MEN1: variants seen among roughly 807,000 people sequenced by gnomAD.
MEN1 encodes the protein menin.
A neutral mutation model predicts 58.0 loss-of-function variants in MEN1; 6 were observed. That is an observed-to-expected ratio of 0.10 (90% CI 0.06 to 0.20). The LOEUF is 0.20. MEN1 is among the 10% of genes least tolerant of loss of function. The pLI is 1.00. For missense variants in MEN1, 492 were observed against 818.5 expected, an observed-to-expected ratio of 0.60 and a Z score of 4.87; for synonymous variants, 346 against 350.7, an observed-to-expected ratio of 0.99 and a Z score of 0.15.
intron 6 of MEN1, 71 bp from the exon 7 acceptor site, chr11:64,806,439 C>T (rs1346676204): frequency 2.5e-6 from 4 of 1,577,116 alleles, no homozygotes; most frequent in Non-Finnish European, 3.5e-6. Context: ...AATGCCCCAC[C>T]AGGGCACACC....
Position 64,807,058 on chromosome 11 carries a change from G to C in MEN1, c.865C>G (p.Leu289Val), listed in dbSNP as rs2136129108. 3 of 1,613,868 alleles carry C rather than the reference G, an allele frequency of 1.9e-6. No individual in the cohort carries two copies. Among genetic ancestry groups the C allele is most frequent in the Non-Finnish European group, 2.5e-6 (3 of 1,180,034 alleles). Residue 289 changes from leucine (L) to valine (V), a missense_variant, in exon 6 of 10, where the codon CTG becomes GTG. This residue lies in a region of MEN1 where 335 missense variants were observed against 550.3 expected (regional missense o/e 0.61). Coordinates refer to ENST00000450708, the MANE Select transcript of MEN1 (RefSeq NM_001370259.2). The surrounding 1 kb of genome is among the most constrained non-coding windows in gnomAD (Gnocchi z 4.9). ...ALGNLADLEE[L>V]EPTPGRPDPL... The stretch of plus-strand genomic sequence containing the variant: ...TCTGGCCGGCCAGGGGTGGGCTCCA[G>C]CTCCTCTAGATCTGCCAGGTTCCCT...
chr11:64,804,565 C>T lies in MEN1; in HGVS notation c.1602G>A (p.Thr534=), dbSNP rs1592631034. 6.2e-7 allele frequency: 1 copy of T among 1,613,254 alleles called. No homozygotes were observed. Among genetic ancestry groups the T allele is most frequent in the Non-Finnish European group, 8.5e-7 (1 of 1,179,962 alleles). ...ATGCTGTGGGTGCTGGCACCTGAGC[C>T]GTGCTGCCACCTTCAGGGCCTCGGG... The part of the protein sequence containing the change: ...GTARGPEGGS[T]AQVPAPTASP... The change falls in exon 10 of 10, where the codon ACG becomes ACA. Residue 534 remains threonine, a synonymous_variant. Transcript: ENST00000450708. This position sits in a 1 kb window ranked among gnomAD's most constrained non-coding sequence, Gnocchi z 4.2.
rs150512958 is a variant in MEN1 at position 64,807,948 on chromosome 11, G to A, written c.597C>T (p.His199=). The change falls in exon 3 of 10, where the codon CAC becomes CAT. Residue 199 remains histidine, a synonymous_variant. Coordinates refer to ENST00000450708, the MANE Select transcript of MEN1 (RefSeq NM_001370259.2). The surrounding 1 kb of genome is among the most constrained non-coding windows in gnomAD (Gnocchi z 4.9). Reference sequence around the variant, plus strand: ...CCCTGCGGTCCTCGTTGCCCTTGCCGTGCCAGGTGACCTCAGCTGTCTGCT... The same window carrying A: ...CCCTGCGGTCCTCGTTGCCCTTGCCATGCCAGGTGACCTCAGCTGTCTGCT... ...NGEQTAEVTW[H]GKGNEDRRGQ... is the part of the protein sequence containing the mutation. The A allele has an allele frequency of 3.4e-4, 545 of 1,614,190 alleles. 5 individuals are homozygous for A. The African/African-American group carries it at 6.5e-3, about 19-fold the overall frequency.
intron 2 of MEN1, among the ~76,000 whole-genome samples, chr11:64,808,444 G>A (rs1448233918): frequency 6.6e-6 from 1 of 152,166 alleles, no homozygotes. Flanking sequence ...GCAAAAACAG[G>A]ACGCTGGCCA....
chr11:64,811,231 T>C (rs1038510760), upstream of MEN1: 2 of 149,928 alleles, frequency 1.3e-5, no homozygotes, highest in Admixed American at 1.3e-4. Context: ...CGAGTAGCTG[T>C]GATCACAGGC....
In MEN1 at chr11:64,805,178, G is replaced by A. The variant is rs770037856; in HGVS notation, c.1206C>T (p.Ser402=). 14 of 1,613,716 alleles carry A rather than the reference G, an allele frequency of 8.7e-6. No individual in the cohort carries two copies. Among genetic ancestry groups the A allele is most frequent in the Middle Eastern group, 1.7e-4 (1 of 5,842 alleles). The change falls in exon 9 of 10, where the codon TCC becomes TCT. Residue 402 remains serine (S), a synonymous_variant. Transcript: ENST00000450708. The part of the protein sequence containing the change: ...EQSQGTQSQG[S]ALQDPECFAH... ...CGAAGCACTCAGGGTCCTGGAGGGC[G>A]GAACCTTGGCTCTGGGTGCCCTGGA...
chr11:64,804,328 A>C lies in MEN1; in HGVS notation c.*6T>G. The C allele has an allele frequency of 6.2e-7, 1 of 1,614,220 alleles. No homozygotes were observed. The highest frequency in any genetic ancestry group is 8.5e-7 in the Non-Finnish European group (1 of 1,180,030). On this transcript the variant is annotated 3_prime_UTR_variant, in exon 10 of 10. Coordinates refer to ENST00000450708, the MANE Select transcript of MEN1 (RefSeq NM_001370259.2). The surrounding 1 kb of genome is among the most constrained non-coding windows in gnomAD (Gnocchi z 4.2). ...TCCCCACAAGCGGTCCGAAGTCCCC[A>C]GTAGTTCAGAGGCCTTTGCGCTGCC...
chr11:64,809,944 T>C lies in MEN1; in HGVS notation c.166A>G (p.Thr56Ala), dbSNP rs1396921906. The C allele has an allele frequency of 6.3e-7, 1 of 1,584,696 alleles. No individual in the cohort carries two copies. Among genetic ancestry groups the C allele is most frequent in the South Asian group, 1.1e-5 (1 of 87,992 alleles). The change falls in exon 2 of 10, where the codon ACC becomes GCC. Residue 56 changes from threonine to alanine, a missense_variant. By Grantham distance (58) the Thr-to-Ala change is moderately conservative (BLOSUM62 0). Transcript: ENST00000450708. Reference protein sequence around the residue: ...HFLAVNRVIPTNVPELTFQPS... With the variant: ...HFLAVNRVIPANVPELTFQPS... Reference sequence around the variant, plus strand: ...TGGAAGGTGAGCTCGGGAACGTTGGTAGGGATGACGCGGTTGACAGCCAGA... The same window carrying C: ...TGGAAGGTGAGCTCGGGAACGTTGGCAGGGATGACGCGGTTGACAGCCAGA...
At position 64,804,057 on chromosome 11, in the gene MEN1, C is replaced by A. The variant is rs1017137197; in HGVS notation, c.*277G>T. The A allele has an allele frequency of 7.1e-5, 36 of 504,012 alleles. No individual in the cohort carries two copies. The highest frequency in any genetic ancestry group is 6.9e-4 in the African/African-American group (36 of 52,338). 31.2% of individuals were successfully genotyped at this position (504,012 alleles called of 1,614,324 possible). A position where few individuals can be genotyped will look rare whatever the true frequency, so the allele number is the denominator to read the frequency against. On this transcript the variant is annotated 3_prime_UTR_variant, in exon 10 of 10. Coordinates refer to ENST00000450708, the MANE Select transcript of MEN1 (RefSeq NM_001370259.2). The surrounding 1 kb of genome is among the most constrained non-coding windows in gnomAD (Gnocchi z 4.2). ...GAGCTTGGGTTTCTAGGGGCTGGGC[C>A]TTTAAAGACTGGTAATTAGGACCCA...
At chr11:64,808,225 C>T (rs1394299189) in intron 2 of MEN1, 126 bp from the exon 3 acceptor site, 1 of 849,748 alleles carries the variant, frequency 1.2e-6, no homozygotes, top group East Asian at 2.7e-5. Flanking sequence ...CTCAGATTCT[C>T]CTGCCCACTA....
chr11:64,805,520 CAG>C, intron 8 of MEN1, 113 bp downstream of exon 8: 1 of 1,355,386 alleles, frequency 7.4e-7, no homozygotes, highest in Non-Finnish European at 1.0e-6. Context: ...GCTGTCTGCT[CAG>C]GGCCACCTTC....
chr11:64,807,077 G>A lies in MEN1; in HGVS notation c.846C>T (p.Asn282=), dbSNP rs2136129516. 6.2e-7 allele frequency: 1 copy of A among 1,614,038 alleles called. No individual in the cohort carries two copies. Among genetic ancestry groups the A allele is most frequent in the Non-Finnish European group, 8.5e-7 (1 of 1,180,020 alleles). The change falls in exon 6 of 10, where the codon AAC becomes AAT. Residue 282 remains asparagine, a synonymous_variant. Coordinates refer to ENST00000450708, the MANE Select transcript of MEN1 (RefSeq NM_001370259.2). This position sits in a 1 kb window ranked among gnomAD's most constrained non-coding sequence, Gnocchi z 4.9. ...GCTCCAGCTCCTCTAGATCTGCCAG[G>A]TTCCCTAAGGCCATGGGGTACCTAG... ...HLERYPMALG[N]LADLEELEPT... is the part of the protein sequence containing the mutation.
At position 64,803,654 on chromosome 11, in the gene MEN1, C is replaced by T. The variant is rs933930799; in HGVS notation, c.*680G>A. 4.2e-6 allele frequency: 1 copy of T among 235,616 alleles called. No homozygotes were observed. Among genetic ancestry groups the T allele is most frequent in the Non-Finnish European group, 8.4e-6 (1 of 119,446 alleles). The allele number at this position is 235,616 out of a possible 1,614,324, so 14.6% of individuals were successfully genotyped here. A position where few individuals can be genotyped will look rare whatever the true frequency, so the allele number is the denominator to read the frequency against. On this transcript the variant is annotated 3_prime_UTR_variant, in exon 10 of 10. Transcript: ENST00000450708. ...CGGGATGCTCCGAGATGGGCTGGAC[C>T]TCTGGGAGGTTCCCAGAGGGTCGGA...
chr11:64,804,123 A>T lies in MEN1; in HGVS notation c.*211T>A. ...TGGCCGGCTGGGATTCTGGGAGAAG[A>T]GACCTATATTCTAACGACTGGGGCA... On this transcript the variant is annotated 3_prime_UTR_variant, in exon 10 of 10. Coordinates refer to ENST00000450708, the MANE Select transcript of MEN1 (RefSeq NM_001370259.2). The surrounding 1 kb of genome is among the most constrained non-coding windows in gnomAD (Gnocchi z 4.2). 1.6e-6 allele frequency: 1 copy of T among 615,182 alleles called. No homozygotes were observed. The highest frequency in any genetic ancestry group is 1.9e-5 in the South Asian group (1 of 51,920). The allele number at this position is 615,182 out of a possible 1,614,324, so 38.1% of individuals were successfully genotyped here.
chr11:64,807,531 C>T lies in MEN1; in HGVS notation c.783+21G>A. 1.2e-6 allele frequency: 2 copies of T among 1,613,770 alleles called. No homozygotes were observed. Among genetic ancestry groups the T allele is most frequent in the Non-Finnish European group, 1.7e-6 (2 of 1,179,792 alleles). Reference sequence around the variant, plus strand: ...TCAAGTCTGGCCTAGCCCAGTCCTGCCCCATTGGCTCAGCCCTCACCTGCT... The same window carrying T: ...TCAAGTCTGGCCTAGCCCAGTCCTGTCCCATTGGCTCAGCCCTCACCTGCT... On this transcript the variant is annotated intron_variant, in intron 4 of 9. Coordinates refer to ENST00000450708, the MANE Select transcript of MEN1 (RefSeq NM_001370259.2). The surrounding 1 kb of genome is among the most constrained non-coding windows in gnomAD (Gnocchi z 4.9).
At position 64,804,651 on chromosome 11, in the gene MEN1, T is replaced by G. The variant is rs1060499994; in HGVS notation, c.1516A>C (p.Thr506Pro). 7.5e-6 allele frequency: 12 copies of G among 1,600,210 alleles called. No individual in the cohort carries two copies. The highest frequency in any genetic ancestry group is 1.0e-5 in the Non-Finnish European group (12 of 1,175,998). Residue 506 changes from threonine (T) to proline (P), a missense_variant, in exon 10 of 10, where the codon ACC becomes CCC. By Grantham distance (38) the Thr-to-Pro change is conservative. This residue lies in a region of MEN1 where 79 missense variants were observed against 82.5 expected (regional missense o/e 0.96). Transcript: ENST00000450708. The surrounding 1 kb of genome is among the most constrained non-coding windows in gnomAD (Gnocchi z 4.2). ...GGTCCTGACACTGCACCCTGGCCGG[T>G]GCCCAGGCCCTTGTCCAGTGCTGGC... Reference protein sequence around the residue: ...KKPALDKGLGTGQGAVSGPPR... With the variant: ...KKPALDKGLGPGQGAVSGPPR...
Position 64,804,060 on chromosome 11 carries a change from T to C in MEN1, c.*274A>G. The C allele has an allele frequency of 2.0e-6, 1 of 508,756 alleles. No homozygotes were observed. The highest frequency in any genetic ancestry group is 2.1e-5 in the South Asian group (1 of 47,608). The allele number at this position is 508,756 out of a possible 1,614,324, so 31.5% of individuals were successfully genotyped here. ...CTTGGGTTTCTAGGGGCTGGGCCTTTAAAGACTGGTAATTAGGACCCAGCG... is the reference window on the plus strand; with the variant it reads ...CTTGGGTTTCTAGGGGCTGGGCCTTCAAAGACTGGTAATTAGGACCCAGCG... On this transcript the variant is annotated 3_prime_UTR_variant, in exon 10 of 10. Coordinates refer to ENST00000450708, the MANE Select transcript of MEN1 (RefSeq NM_001370259.2). This position sits in a 1 kb window ranked among gnomAD's most constrained non-coding sequence, Gnocchi z 4.2.
At position 64,804,734 on chromosome 11, in the gene MEN1, CCTTCCCGGG is replaced by C. The variant is rs1290740194; in HGVS notation, c.1424_1432del (p.Ala475_Glu477del). The C allele has an allele frequency of 6.3e-6, 10 of 1,596,916 alleles. No homozygotes were observed. Among genetic ancestry groups the C allele is most frequent in the African/African-American group, 4.0e-5 (3 of 74,804 alleles). Reference sequence around the variant, plus strand: ...CTCCCGCCGTGGGCCCCGCCGCCGGCCTTCCCGGGCTTCCTCGCCCCACGGCTCCTCGGC... The same window carrying C: ...CTCCCGCCGTGGGCCCCGCCGCCGGCCTTCCTCGCCCCACGGCTCCTCGGC... On this transcript the variant is annotated inframe_deletion, in exon 10 of 10. Coordinates refer to ENST00000450708, the MANE Select transcript of MEN1 (RefSeq NM_001370259.2). The surrounding 1 kb of genome is among the most constrained non-coding windows in gnomAD (Gnocchi z 4.2).
intron 2 of MEN1, 24 bp downstream of exon 2, chr11:64,809,641 G>C: frequency 6.2e-7 from 1 of 1,613,620 alleles, no homozygotes; most frequent in Non-Finnish European, 8.5e-7. Flanking sequence ...TCATGGATAA[G>C]ATTCCCACCT....
Sources: gnomAD v4.1 joint callset for allele counts (sites outside exome capture counted in the v4.1 genomes callset) on GRCh38, gnomAD v4.1.1 for gene constraint, gnomAD v4.1.1 regional missense constraint, Gnocchi (gnomAD v3.1) non-coding constraint, MANE v1.5 for transcripts, NCBI Gene and HGNC (gene_info 2026-07-23, HGNC 2026-07-21) for gene names.